MBOAT1: variants seen among roughly 807,000 people sequenced by gnomAD.
MBOAT1 encodes the protein membrane-bound glycerophospholipid O-acyltransferase 1.
MBOAT1 carries 67 observed loss-of-function variants against 64.4 expected under a neutral mutation model. The ratio of observed to expected loss-of-function variants is 1.04; its 90% CI spans 0.85 to 1.27. The LOEUF is 1.27. MBOAT1 is among the 50% of genes most tolerant of loss of function. The probability of loss-of-function intolerance (pLI) is 0.00; values close to 1 mark genes in which losing one functional copy is unlikely to be tolerated. For synonymous variants in MBOAT1, 229 were observed against 218.9 expected (o/e 1.05, Z -0.41); for missense variants, 563 against 604.6 (o/e 0.93, Z 0.72).
chr6:20,170,137 T>G (rs1460751770), intron 1 of MBOAT1, among the ~76,000 whole-genome samples: 1 of 152,184 alleles, frequency 6.6e-6, no homozygotes, highest in Non-Finnish European at 1.5e-5. Context: ...CCCCCTGCAA[T>G]GATGATGCCC....
chr6:20,191,830 A>G (rs1393848118), intron 1 of MBOAT1, among the ~76,000 whole-genome samples: 1 of 152,194 alleles, frequency 6.6e-6, no homozygotes, highest in Admixed American at 6.5e-5. Context: ...TTATTATAGT[A>G]CTAATAAAGT....
At position 20,113,049 on chromosome 6, in the gene MBOAT1, C is replaced by T. The variant is rs527803329; in HGVS notation, c.1077-41G>A. 3.6e-5 allele frequency: 58 copies of T among 1,597,466 alleles called. No homozygotes were observed. The Admixed American group carries it at 4.4e-4, about 12-fold the overall frequency. ...GGAACAAGACACAGGTGAAACATACCAGAAACTTCTAAGTACAGCTGCTGT... is the reference window on the plus strand; with the variant it reads ...GGAACAAGACACAGGTGAAACATACTAGAAACTTCTAAGTACAGCTGCTGT... On this transcript the variant is annotated intron_variant, in intron 10 of 12. Coordinates refer to ENST00000324607, the MANE Select transcript of MBOAT1 (RefSeq NM_001080480.3).
chr6:20,119,994 T>C (rs1760445923), intron 8 of MBOAT1, among the ~76,000 whole-genome samples: 3 of 88,462 alleles, frequency 3.4e-5, no homozygotes, highest in African/African-American at 1.3e-4. Context: ...CTTTTCTGTG[T>C]GTGTGTGTGT....
intron 1 of MBOAT1, among the ~76,000 whole-genome samples, chr6:20,156,329 C>T (rs1761683990): frequency 6.6e-6 from 1 of 152,030 alleles, no homozygotes; most frequent in Admixed American, 6.6e-5. Flanking sequence ...AGAATCCTTT[C>T]CTTGACTGTT....
intron 10 of MBOAT1, among the ~76,000 whole-genome samples, chr6:20,113,913 A>G (rs1760247354): frequency 6.6e-6 from 1 of 152,174 alleles, no homozygotes; most frequent in Admixed American, 6.6e-5. Context: ...GGTCAACAGT[A>G]ACCGATTTAA....
chr6:20,130,342 C>T (rs898187003), intron 5 of MBOAT1, among the ~76,000 whole-genome samples: 2 of 152,050 alleles, frequency 1.3e-5, no homozygotes, highest in Non-Finnish European at 2.9e-5. Context: ...TCTTCCTTTT[C>T]CCAGCTTTGT....
intron 4 of MBOAT1, among the ~76,000 whole-genome samples, chr6:20,133,449 G>C (rs186906519): frequency 6.6e-6 from 1 of 152,154 alleles, no homozygotes; most frequent in African/African-American, 2.4e-5. Flanking sequence ...CACATGAAGA[G>C]GGCTATTTTT....
chr6:20,194,699 T>G (rs1373283432), intron 1 of MBOAT1, among the ~76,000 whole-genome samples: 1 of 152,208 alleles, frequency 6.6e-6, no homozygotes, highest in Non-Finnish European at 1.5e-5. Context: ...CCCACTCCCC[T>G]TTCCATACTG....
intron 5 of MBOAT1, among the ~76,000 whole-genome samples, chr6:20,129,497 T>G (rs1007656588): frequency 1.3e-5 from 2 of 151,980 alleles, no homozygotes; most frequent in Non-Finnish European, 2.9e-5. Flanking sequence ...TGAAGGCAAT[T>G]CAAAATCATG....
chr6:20,166,166 T>C (rs1028152496), intron 1 of MBOAT1, among the ~76,000 whole-genome samples: 7 of 152,176 alleles, frequency 4.6e-5, no homozygotes, highest in Non-Finnish European at 7.3e-5. Flanking sequence ...ATCATAACCA[T>C]GGTATAAAAA....
rs190803055 is a variant in MBOAT1, at chr6:20,101,265, G to A, written c.*1021C>T. On this transcript the variant is annotated 3_prime_UTR_variant, in exon 13 of 13. Coordinates refer to ENST00000324607, the MANE Select transcript of MBOAT1 (RefSeq NM_001080480.3). Reference sequence around the variant, plus strand: ...GGCGCCTGTGAAATGGAAAACATTCGGAAAACAGCAGCCCCTCTTCAGCTC... The same window carrying A: ...GGCGCCTGTGAAATGGAAAACATTCAGAAAACAGCAGCCCCTCTTCAGCTC... Among the ~76,000 whole-genome samples the A allele has an allele frequency of 2.0e-5, 3 of 152,298 alleles. No individual in the cohort carries two copies. The highest frequency in any genetic ancestry group is 1.9e-4 in the East Asian group (1 of 5,180).
chr6:20,127,718 C>T lies in MBOAT1; in HGVS notation c.530+981G>A, dbSNP rs566123157. Among the ~76,000 whole-genome samples the T allele has an allele frequency of 1.2e-4, 18 of 152,210 alleles. No homozygotes were observed. The East Asian group carries it at 2.3e-3, about 20-fold the overall frequency. On this transcript the variant is annotated intron_variant, in intron 6 of 12. Transcript: ENST00000324607. ...TGCAGGAAAACAAGCTCAGGGCTCC[C>T]GCAGATTCTACATTATGGTGAGTTG...
chr6:20,111,882 A>ATATATATACATATATATACG (rs1760179843), intron 11 of MBOAT1, among the ~76,000 whole-genome samples: 2 of 138,296 alleles, frequency 1.4e-5, no homozygotes, highest in African/African-American at 5.8e-5. Flanking sequence ...ATATATATGT[A>ATATATATACATATATATACG]TATATATATA....
At chr6:20,157,724 G>A (rs1456746644) in intron 1 of MBOAT1, among the ~76,000 whole-genome samples, 1 of 151,250 alleles carries the variant, frequency 6.6e-6, no homozygotes, top group Non-Finnish European at 1.5e-5. Context: ...GGCATAAATG[G>A]AAGACGTTAA....
chr6:20,103,585 G>C (rs561627665), intron 12 of MBOAT1, among the ~76,000 whole-genome samples: 2 of 151,924 alleles, frequency 1.3e-5, no homozygotes, highest in South Asian at 4.2e-4. Context: ...GCGCCACCAC[G>C]CTCGGCCAAT....
chr6:20,111,847 C>CATATATATATACATATATATACAT (rs1561746278), intron 11 of MBOAT1, among the ~76,000 whole-genome samples: 7 of 76,070 alleles, frequency 9.2e-5, no homozygotes, highest in Non-Finnish European at 1.3e-4. Flanking sequence ...CATATATATA[C>CATATATATATACATATATATACAT]ATATATATAT....
intron 8 of MBOAT1, among the ~76,000 whole-genome samples, chr6:20,123,842 G>T (rs528642563): frequency 6.6e-6 from 1 of 152,144 alleles, no homozygotes; most frequent in Admixed American, 6.5e-5. Context: ...AGATCACGAC[G>T]TCAGGAGATC....
At chr6:20,102,478 T>A in intron 12 of MBOAT1, 66 bp from the exon 13 acceptor site, 2 of 1,351,942 alleles carry the variant, frequency 1.5e-6, no homozygotes, top group Non-Finnish European at 2.1e-6. Flanking sequence ...ACCACCTAAT[T>A]ATATCACCTA....
At chr6:20,127,246 G>A (rs901529444) in intron 6 of MBOAT1, among the ~76,000 whole-genome samples, 2 of 152,204 alleles carry the variant, frequency 1.3e-5, no homozygotes, top group Non-Finnish European at 2.9e-5. Context: ...GACCAAGGTA[G>A]TGGAGGGAAA....
Sources: allele counts gnomAD v4.1 joint callset (sites outside exome capture counted in the v4.1 genomes callset), GRCh38; gene constraint gnomAD v4.1.1; transcripts MANE v1.5; gene names NCBI Gene and HGNC (gene_info 2026-07-23, HGNC 2026-07-21).